Variants in PEBP4 observed in about 807,000 individuals in gnomAD.
PEBP4 encodes phosphatidylethanolamine binding protein 4, also known as phosphatidylethanolamine-binding protein 4.
A neutral mutation model predicts 23.9 loss-of-function variants in PEBP4; 22 were observed. The observed-to-expected ratio is 0.92, with a 90% CI of 0.66 to 1.31. The LOEUF is 1.31. PEBP4 is among the 40% of genes most tolerant of loss of function. The pLI is 0.00. For synonymous variants in PEBP4, 112 were observed against 99.3 expected (o/e 1.13, Z -0.76); for missense variants, 324 against 281.7 (o/e 1.15, Z -1.07).
intron 3 of PEBP4, among the ~76,000 whole-genome samples, chr8:22,868,031 C>G (rs1807940067): frequency 6.6e-6 from 1 of 152,088 alleles, no homozygotes; most frequent in African/African-American, 2.4e-5. Flanking sequence ...TGGCAGGGGT[C>G]CAGGGTAGAT....
At chr8:22,794,718 G>A (rs1806208106) in intron 4 of PEBP4, among the ~76,000 whole-genome samples, 1 of 152,106 alleles carries the variant, frequency 6.6e-6, no homozygotes, top group Non-Finnish European at 1.5e-5. Context: ...TTTATTTACA[G>A]AAGTTTGAAG....
chr8:22,937,245 T>C (rs566411782), intron 1 of PEBP4, among the ~76,000 whole-genome samples: 8 of 152,302 alleles, frequency 5.3e-5, no homozygotes, highest in Admixed American at 1.3e-4. Flanking sequence ...TTCAGTAAAG[T>C]TGTAATTTAC....
At chr8:22,925,903 GT>G (rs1357735566) in intron 2 of PEBP4, among the ~76,000 whole-genome samples, 3 of 152,218 alleles carry the variant, frequency 2.0e-5, no homozygotes, top group African/African-American at 7.2e-5. Flanking sequence ...GATCCCACTT[GT>G]GAGAGGCAAC....
chr8:22,897,027 ATGTGTG>A (rs140900653), intron 3 of PEBP4, among the ~76,000 whole-genome samples: 5 of 149,112 alleles, frequency 3.4e-5, no homozygotes, highest in East Asian at 3.9e-4. Context: ...ATCTGTGTGT[ATGTGTG>A]TGTGTGTGTG....
chr8:22,755,009 G>A (rs1805348593), intron 4 of PEBP4: 1 of 152,210 alleles, frequency 6.6e-6, no homozygotes, highest in African/African-American at 2.4e-5. Context: ...ACTGTCTCCT[G>A]AGAGCCTGGG....
intron 4 of PEBP4, among the ~76,000 whole-genome samples, chr8:22,750,509 A>G (rs1467375377): frequency 6.6e-6 from 1 of 152,238 alleles, no homozygotes; most frequent in East Asian, 1.9e-4. Context: ...TTCTTCTTCC[A>G]AAATCAAGGT....
chr8:22,773,330 G>A (rs1049368246), intron 4 of PEBP4, among the ~76,000 whole-genome samples: 19 of 152,200 alleles, frequency 1.2e-4, no homozygotes, highest in African/African-American at 3.1e-4. Flanking sequence ...AACCTGGCTC[G>A]TTAAGAGGGA....
At chr8:22,766,570 G>A (rs567775418) in intron 4 of PEBP4, among the ~76,000 whole-genome samples, 6 of 152,324 alleles carry the variant, frequency 3.9e-5, no homozygotes, top group East Asian at 3.9e-4. Context: ...ACATCTCTGC[G>A]ATGATGCGAC....
intron 3 of PEBP4, among the ~76,000 whole-genome samples, chr8:22,913,139 C>T (rs964710945): frequency 6.6e-6 from 1 of 152,220 alleles, no homozygotes; most frequent in Non-Finnish European, 1.5e-5. Context: ...GTGCTCGGCA[C>T]CAAATACAGT....
At chr8:22,911,534 G>C (rs959627593) in intron 3 of PEBP4, among the ~76,000 whole-genome samples, 1 of 152,148 alleles carries the variant, frequency 6.6e-6, no homozygotes, top group Admixed American at 6.5e-5. Context: ...ACATGATACT[G>C]CTCTTCTAAA....
intron 3 of PEBP4, among the ~76,000 whole-genome samples, chr8:22,901,542 G>A (rs758009892): frequency 3.3e-5 from 5 of 149,980 alleles, no homozygotes; most frequent in Non-Finnish European, 5.9e-5. Context: ...ACTGCCCACC[G>A]ACTCTCCACA....
intron 3 of PEBP4, among the ~76,000 whole-genome samples, chr8:22,821,248 A>C (rs187313161): frequency 6.6e-6 from 1 of 152,316 alleles, no homozygotes; most frequent in Admixed American, 6.5e-5. Context: ...AGGATAGAAT[A>C]AAGGATGAAA....
At chr8:22,892,726 T>C (rs1808518222) in intron 3 of PEBP4, among the ~76,000 whole-genome samples, 1 of 152,186 alleles carries the variant, frequency 6.6e-6, no homozygotes, top group Non-Finnish European at 1.5e-5. Flanking sequence ...CCCTACCACC[T>C]GAAACAATGA....
chr8:22,822,314 G>T (rs1806875785), intron 3 of PEBP4, among the ~76,000 whole-genome samples: 1 of 151,454 alleles, frequency 6.6e-6, no homozygotes, highest in Admixed American at 6.6e-5. Context: ...GGACTCAGAA[G>T]AAAAGAAAAT....
At chr8:22,823,546 T>C (rs1161255738) in intron 3 of PEBP4, among the ~76,000 whole-genome samples, 1 of 151,424 alleles carries the variant, frequency 6.6e-6, no homozygotes, top group African/African-American at 2.4e-5. Flanking sequence ...TATCTAACTA[T>C]ATATATATAT....
chr8:22,914,626 C>G (rs1233530194), intron 3 of PEBP4, among the ~76,000 whole-genome samples: 1 of 152,166 alleles, frequency 6.6e-6, no homozygotes, highest in Non-Finnish European at 1.5e-5. Flanking sequence ...ATAGCAGAGC[C>G]TACCCGCAGG....
chr8:22,896,344 G>A (rs1808589490), intron 3 of PEBP4: 1 of 152,202 alleles, frequency 6.6e-6, no homozygotes, highest in South Asian at 2.1e-4. Flanking sequence ...TTAACCGATA[G>A]TTGCAGTGTT....
intron 4 of PEBP4, among the ~76,000 whole-genome samples, chr8:22,735,725 G>T (rs1333292697): frequency 6.6e-6 from 1 of 152,222 alleles, no homozygotes. Context: ...GGAGGAGGGT[G>T]GGCCCCAGCT....
intron 3 of PEBP4, among the ~76,000 whole-genome samples, chr8:22,890,401 T>C (rs1808470334): frequency 6.6e-6 from 1 of 152,238 alleles, no homozygotes; most frequent in Non-Finnish European, 1.5e-5. Context: ...AGGAACTTTA[T>C]GTCAATAAGC....
Sources: gnomAD v4.1 joint callset for allele counts (sites outside exome capture counted in the v4.1 genomes callset) on GRCh38, gnomAD v4.1.1 for gene constraint, MANE v1.5 for transcripts, NCBI Gene and HGNC (gene_info 2026-07-23, HGNC 2026-07-21) for gene names.